The following FAT3 variants were observed in gnomAD, a reference collection of about 807,000 sequenced individuals.
FAT3 encodes FAT atypical cadherin 3.
FAT3 carries 95 observed loss-of-function variants against 310.2 expected under a neutral mutation model. The ratio of observed to expected loss-of-function variants is 0.31; its 90% CI spans 0.26 to 0.36. FAT3 has a LOEUF of 0.36. FAT3 is among the 10% of genes least tolerant of loss of function. The pLI is 1.00. For synonymous variants in FAT3, 2,314 were observed against 2,192.9 expected, an observed-to-expected ratio of 1.06 and a Z score of -1.54; for missense variants, 5,408 against 5,715.6, an observed-to-expected ratio of 0.95 and a Z score of 1.74.
chr11:92,303,884 T>C (rs145719742), intron 1 of FAT3, among the ~76,000 whole-genome samples: 2 of 152,268 alleles, frequency 1.3e-5, no homozygotes, highest in African/African-American at 4.8e-5. Flanking sequence ...AAATGTAGTT[T>C]AGAGGGTTTT....
At chr11:92,333,322 T>C (rs1351569684) in intron 1 of FAT3, among the ~76,000 whole-genome samples, 1 of 152,236 alleles carries the variant, frequency 6.6e-6, no homozygotes, top group African/African-American at 2.4e-5. Flanking sequence ...ATTATAATAG[T>C]GATTCCTGTG....
chr11:92,342,433 C>T (rs1387220451), intron 1 of FAT3, among the ~76,000 whole-genome samples: 2 of 152,104 alleles, frequency 1.3e-5, no homozygotes, highest in African/African-American at 4.8e-5. Context: ...TTCTCTTTTC[C>T]TTGAAAGAGA....
chr11:92,632,827 G>A (rs556774917), intron 3 of FAT3, among the ~76,000 whole-genome samples: 1 of 152,288 alleles, frequency 6.6e-6, no homozygotes, highest in Admixed American at 6.5e-5. Flanking sequence ...GTTAATTCCT[G>A]TTGCAGCCTT....
intron 22 of FAT3, among the ~76,000 whole-genome samples, chr11:92,877,510 C>T (rs1301894900): frequency 1.3e-5 from 2 of 152,072 alleles, no homozygotes; most frequent in Non-Finnish European, 2.9e-5. Flanking sequence ...TGCTGAAACT[C>T]ACAACCACCC....
At chr11:92,308,718 C>T (rs1057500134) in intron 1 of FAT3, among the ~76,000 whole-genome samples, 5 of 152,184 alleles carry the variant, frequency 3.3e-5, no homozygotes, top group Admixed American at 6.6e-5. Context: ...ATTTAATTGA[C>T]TTCAAAACTT....
At chr11:92,455,828 A>G (rs962993827) in intron 2 of FAT3, among the ~76,000 whole-genome samples, 1 of 152,156 alleles carries the variant, frequency 6.6e-6, no homozygotes, top group Admixed American at 6.6e-5. Context: ...CACACAATAA[A>G]TGTTCATTTC....
chr11:92,531,578 G>A (rs1954073785), intron 3 of FAT3, among the ~76,000 whole-genome samples: 1 of 152,078 alleles, frequency 6.6e-6, no homozygotes, highest in Admixed American at 6.6e-5. Flanking sequence ...AGTTCATTCT[G>A]GGGGAATAAT....
chr11:92,620,752 T>A (rs1207463126), intron 3 of FAT3, among the ~76,000 whole-genome samples: 1 of 152,230 alleles, frequency 6.6e-6, no homozygotes, highest in Non-Finnish European at 1.5e-5. Flanking sequence ...TATGATTATC[T>A]TAATTCAGAC....
intron 13 of FAT3, among the ~76,000 whole-genome samples, chr11:92,828,070 A>G (rs1397659708): frequency 6.6e-6 from 1 of 152,114 alleles, no homozygotes; most frequent in Non-Finnish European, 1.5e-5. Context: ...GTAACACATC[A>G]TGACATGCAG....
At chr11:92,877,221 G>A (rs77898739) in intron 22 of FAT3, among the ~76,000 whole-genome samples, 4,554 of 152,196 alleles carry the variant, frequency 0.03, 105 homozygotes, top group Non-Finnish European at 0.044. Context: ...CCAAAAACTC[G>A]GGGGACTGAA....
chr11:92,844,828 A>T (rs1474786681), intron 19 of FAT3, 96 bp downstream of exon 19: 1 of 1,316,068 alleles, frequency 7.6e-7, no homozygotes, highest in African/African-American at 1.5e-5. Flanking sequence ...CATTCGTTCA[A>T]CTAAATATTA....
intron 3 of FAT3, among the ~76,000 whole-genome samples, chr11:92,606,298 C>A (rs1940294378): frequency 6.6e-6 from 1 of 152,190 alleles, no homozygotes; most frequent in Non-Finnish European, 1.5e-5. Context: ...TGTCATTTGG[C>A]ATGAAGCCAC....
intron 3 of FAT3, among the ~76,000 whole-genome samples, chr11:92,665,973 C>A (rs1013405202): frequency 1.3e-5 from 2 of 152,054 alleles, no homozygotes; most frequent in East Asian, 3.9e-4. Context: ...AAGTTTAAGA[C>A]CAGCCTGGAC....
intron 3 of FAT3, among the ~76,000 whole-genome samples, chr11:92,626,873 T>A (rs1941359845): frequency 6.6e-6 from 1 of 152,192 alleles, no homozygotes; most frequent in Non-Finnish European, 1.5e-5. Context: ...CTTGTTCTGC[T>A]ATGGAGGGAG....
intron 12 of FAT3, among the ~76,000 whole-genome samples, chr11:92,807,914 T>C (rs913195534): frequency 3.3e-5 from 5 of 152,336 alleles, no homozygotes; most frequent in African/African-American, 1.2e-4. Flanking sequence ...GCGTAAAGAT[T>C]GGCTGGCTTG....
intron 2 of FAT3, among the ~76,000 whole-genome samples, chr11:92,520,825 T>C (rs1183208074): frequency 6.6e-6 from 1 of 152,136 alleles, no homozygotes; most frequent in Non-Finnish European, 1.5e-5. Flanking sequence ...AACATTGTGT[T>C]CCAAGATACT....
chr11:92,677,367 G>A (rs1943320944), intron 3 of FAT3, among the ~76,000 whole-genome samples: 1 of 152,228 alleles, frequency 6.6e-6, no homozygotes, highest in Non-Finnish European at 1.5e-5. Context: ...TGCTCTGATA[G>A]TCTCATTTGC....
In FAT3 at chr11:92,891,137, C is replaced by A. The variant is rs1400310624; in HGVS notation, c.*24C>A. On this transcript the variant is annotated 3_prime_UTR_variant, in exon 28 of 28. Coordinates refer to ENST00000525166, the MANE Select transcript of FAT3 (RefSeq NM_001367949.2). ...AGACATCACATCTTGGGTACTTCAC[C>A]CTGTTTGTTACAGAAAAGTGGAAGC... 1.9e-6 allele frequency: 3 copies of A among 1,605,726 alleles called. No individual in the cohort carries two copies. The African/African-American group carries it at 4.0e-5, about 21-fold the overall frequency.
chr11:92,876,286 C>T (rs1386014659), intron 22 of FAT3, among the ~76,000 whole-genome samples: 2 of 152,240 alleles, frequency 1.3e-5, no homozygotes, highest in Non-Finnish European at 2.9e-5. Context: ...TGTCTAAAGA[C>T]ATGCCATCAT....
Sources: gnomAD v4.1 joint callset for allele counts (sites outside exome capture counted in the v4.1 genomes callset) on GRCh38, gnomAD v4.1.1 for gene constraint, MANE v1.5 for transcripts, NCBI Gene and HGNC (gene_info 2026-07-23, HGNC 2026-07-21) for gene names.